Variants in GPR39 observed in about 807,000 individuals in gnomAD.
GPR39 encodes G protein-coupled receptor 39.
GPR39 carries 23 observed loss-of-function variants against 18.4 expected under a neutral mutation model. The observed-to-expected ratio is 1.25, with a 90% confidence interval of 0.90 to 1.77. GPR39 has a LOEUF of 1.77. Ranked by LOEUF, GPR39 falls within the 40% of genes most tolerant of loss-of-function variation. The pLI, the probability that GPR39 is intolerant of heterozygous loss-of-function variation, is 0.00. For synonymous variants in GPR39, 280 were observed against 257.9 expected (o/e 1.09, Z -0.82); for missense variants, 647 against 602.4 (o/e 1.07, Z -0.78).
chr2:132,472,145 C>T (rs1262503312), intron 1 of GPR39, among the ~76,000 whole-genome samples: 2 of 152,174 alleles, frequency 1.3e-5, no homozygotes, highest in African/African-American at 4.8e-5. Context: ...AGCCTCCATT[C>T]CTGGGCAAGT....
chr2:132,474,723 G>A (rs1295791363), intron 1 of GPR39, among the ~76,000 whole-genome samples: 7 of 152,188 alleles, frequency 4.6e-5, no homozygotes, highest in South Asian at 2.1e-4. Flanking sequence ...TTATGCTAAC[G>A]ATGTTAAGGG....
At chr2:132,539,209 T>C (rs553369434) in intron 1 of GPR39, among the ~76,000 whole-genome samples, 11 of 152,122 alleles carry the variant, frequency 7.2e-5, no homozygotes, top group Non-Finnish European at 1.6e-4. Context: ...GGGAATCTAC[T>C]GATCTGTGGA....
intron 1 of GPR39, among the ~76,000 whole-genome samples, chr2:132,511,936 A>G (rs1679248603): frequency 6.6e-6 from 1 of 152,148 alleles, no homozygotes; most frequent in Non-Finnish European, 1.5e-5. Flanking sequence ...AAGTGCACGA[A>G]CTCATGGTTG....
intron 1 of GPR39, among the ~76,000 whole-genome samples, chr2:132,516,175 C>A (rs972593631): frequency 6.6e-6 from 1 of 152,090 alleles, no homozygotes; most frequent in Non-Finnish European, 1.5e-5. Context: ...AAATTCTCAG[C>A]GTCCTTGGCC....
chr2:132,576,517 G>A (rs1240463216), intron 1 of GPR39, among the ~76,000 whole-genome samples: 2 of 152,050 alleles, frequency 1.3e-5, no homozygotes, highest in African/African-American at 2.4e-5. Flanking sequence ...GCCAGCCATG[G>A]TGGTGTGCAC....
intron 1 of GPR39, among the ~76,000 whole-genome samples, chr2:132,620,575 G>T (rs962509435): frequency 6.6e-6 from 1 of 152,058 alleles, no homozygotes; most frequent in Non-Finnish European, 1.5e-5. Flanking sequence ...TCCACATTAG[G>T]CAGGGAAGGC....
intron 1 of GPR39, among the ~76,000 whole-genome samples, chr2:132,469,562 A>G (rs897861624): frequency 2.0e-5 from 3 of 152,174 alleles, no homozygotes; most frequent in Admixed American, 2.0e-4. Context: ...TTAATGAGAC[A>G]GTGAGCGTGT....
intron 1 of GPR39, among the ~76,000 whole-genome samples, chr2:132,439,042 A>T (rs1284869207): frequency 1.3e-5 from 2 of 152,216 alleles, no homozygotes; most frequent in African/African-American, 4.8e-5. Context: ...CATTCATAAG[A>T]GTATTCCCCC....
rs975153846 is a variant in GPR39, at chr2:132,645,309, C to G, written c.1065C>G (p.Phe355Leu). 2 of 1,614,058 alleles carry G rather than the reference C, an allele frequency of 1.2e-6. No homozygotes were observed. The highest frequency in any genetic ancestry group is 1.7e-5 in the Admixed American group (1 of 60,004). The stretch of plus-strand genomic sequence containing the variant: ...CCTCGCAGCAGTTTCGGCGGGTGTT[C>G]GTGCAGGTGCTGTGCTGCCGCCTGT... ...TVSSQQFRRV[F>L]VQVLCCRLSL... The change falls in exon 2 of 2, where the codon TTC (phenylalanine) becomes TTG (leucine). Residue 355 changes from phenylalanine to leucine, a missense_variant. Physicochemically the swap from Phe to Leu is conservative, Grantham distance 22 (BLOSUM62 0). Transcript: ENST00000329321.
intron 1 of GPR39, among the ~76,000 whole-genome samples, chr2:132,531,492 C>T (rs1368051721): frequency 6.6e-6 from 1 of 152,150 alleles, no homozygotes; most frequent in African/African-American, 2.4e-5. Flanking sequence ...CTCAGCTCTG[C>T]ACCAAGTGGA....
chr2:132,492,801 C>A (rs1217868337), intron 1 of GPR39, among the ~76,000 whole-genome samples: 2 of 67,642 alleles, frequency 3.0e-5, no homozygotes, highest in African/African-American at 9.6e-5. Context: ...ACCATATATA[C>A]CATATATATA....
At chr2:132,517,198 G>T (rs574766723) in intron 1 of GPR39, among the ~76,000 whole-genome samples, 7 of 151,648 alleles carry the variant, frequency 4.6e-5, no homozygotes, top group Non-Finnish European at 7.4e-5. Context: ...TGTCAAAAAA[G>T]AGAGGAAAAA....
chr2:132,617,836 T>G (rs1044822791), intron 1 of GPR39, among the ~76,000 whole-genome samples: 83 of 152,334 alleles, frequency 5.4e-4, no homozygotes, highest in African/African-American at 1.9e-3. Context: ...CCTTAAAATA[T>G]CTGAGCCTCA....
At chr2:132,519,922 G>A (rs1270428357) in intron 1 of GPR39, among the ~76,000 whole-genome samples, 1 of 152,112 alleles carries the variant, frequency 6.6e-6, no homozygotes, top group East Asian at 1.9e-4. Flanking sequence ...TGTCTAAAAT[G>A]CAAATGGGAC....
chr2:132,645,267 G>A lies in GPR39; in HGVS notation c.1023G>A (p.Pro341=), dbSNP rs752733973. ...TCTACCTCAGCTCGGTCATCAACCC[G>A]CTCCTGTACACGGTGTCCTCGCAGC... is the stretch of plus-strand genomic sequence containing the variant. ...TFFYLSSVIN[P]LLYTVSSQQF... is the part of the protein sequence containing the mutation. Residue 341 remains proline, a synonymous_variant, in exon 2 of 2, where the codon CCG becomes CCA. Transcript: ENST00000329321. The A allele has an allele frequency of 1.4e-5, 23 of 1,614,074 alleles. No homozygotes were observed. The East Asian group carries it at 5.1e-4, about 36-fold the overall frequency.
At chr2:132,536,244 G>A (rs575098625) in intron 1 of GPR39, among the ~76,000 whole-genome samples, 1 of 152,244 alleles carries the variant, frequency 6.6e-6, no homozygotes, top group African/African-American at 2.4e-5. Context: ...TACTTTAGCT[G>A]TTTCCCAGAG....
chr2:132,589,448 G>A lies in GPR39; in HGVS notation c.857-55653G>A, dbSNP rs556519275. On this transcript the variant is annotated intron_variant, in intron 1 of 1. Transcript: ENST00000329321. ...CAGAGATGTAATTTCAATTAACTTC[G>A]CTTATCTGATAAAACTTTCATATCC... Among the ~76,000 whole-genome samples, 5 of 152,202 alleles carry A rather than the reference G, an allele frequency of 3.3e-5. No individual in the cohort carries two copies. In the East Asian group the frequency reaches 5.8e-4, roughly 18 times the overall value.
Position 132,417,138 on chromosome 2 carries a change from C to T in GPR39, c.96C>T (p.Thr32=). 4 of 1,614,114 alleles carry T rather than the reference C, an allele frequency of 2.5e-6. No homozygotes were observed. The highest frequency in any genetic ancestry group is 1.1e-5 in the South Asian group (1 of 91,074). ...AGGTGGCCACCTGGATCAAAATCAC[C>T]CTTATTCTGGTGTACCTGATCATCT... ...EFEVATWIKI[T]LILVYLIIFV... Residue 32 remains threonine (T), a synonymous_variant, in exon 1 of 2, where the codon ACC becomes ACT. Transcript: ENST00000329321.
intron 1 of GPR39, among the ~76,000 whole-genome samples, chr2:132,529,065 T>A (rs567805733): frequency 6.6e-6 from 1 of 152,244 alleles, no homozygotes; most frequent in South Asian, 2.1e-4. Flanking sequence ...GAAGCAGGCC[T>A]CACCCAGGAA....
Sources: gnomAD v4.1 joint callset for allele counts (sites outside exome capture counted in the v4.1 genomes callset) on GRCh38, gnomAD v4.1.1 for gene constraint, MANE v1.5 for transcripts, NCBI Gene and HGNC (gene_info 2026-07-23, HGNC 2026-07-21) for gene names.